Variants in HSCB observed in about 807,000 individuals in gnomAD.
HSCB encodes the protein HscB mitochondrial iron-sulfur cluster cochaperone, also known as iron-sulfur cluster co-chaperone protein HscB.
In HSCB, 23 loss-of-function variants were observed where a neutral mutation model predicts 31.3. The observed-to-expected ratio is 0.74, with a 90% confidence interval of 0.53 to 1.04. The LOEUF (loss-of-function observed/expected upper bound fraction) is 1.04. Among genes scored for constraint, HSCB ranks in the 50% least tolerant of loss-of-function variants. The pLI is 0.00. For missense variants in HSCB, 297 were observed against 288.1 expected (o/e 1.03, Z -0.22); for synonymous variants, 110 against 104.5 (o/e 1.05, Z -0.32).
chr22:28,752,114 A>G (rs1315569391), intron 5 of HSCB, among the ~76,000 whole-genome samples: 1 of 150,546 alleles, frequency 6.6e-6, no homozygotes, highest in East Asian at 2.0e-4. Context: ...AAAAAACCTG[A>G]AGGAGGAATG....
At chr22:28,750,945 C>CTT (rs758451182) in intron 4 of HSCB, among the ~76,000 whole-genome samples, 2,902 of 56,392 alleles carry the variant, frequency 0.051, 327 homozygotes, top group South Asian at 0.17. Context: ...ATATCTTTGT[C>CTT]TTTTTTTTTT....
chr22:28,756,653 T>C (rs959998006), intron 5 of HSCB, among the ~76,000 whole-genome samples: 2 of 151,694 alleles, frequency 1.3e-5, no homozygotes, highest in African/African-American at 4.8e-5. Flanking sequence ...TTTTATTTTT[T>C]ATTTTTTATT....
intron 4 of HSCB, 113 bp from the exon 5 acceptor site, chr22:28,751,128 C>CA (rs1384198718): frequency 1.5e-6 from 1 of 662,470 alleles, no homozygotes; most frequent in African/African-American, 1.8e-5. Context: ...CCCTTGAATA[C>CA]AAACTTCCTC....
intron 1 of HSCB, 197 bp downstream of exon 1, chr22:28,742,528 T>C (rs1329421629): frequency 1.0e-6 from 1 of 973,064 alleles, no homozygotes; most frequent in Admixed American, 3.0e-5. Context: ...GGAAGCAACG[T>C]TGAGGTGTGG....
At chr22:28,744,555 A>G (rs1040039327) in intron 2 of HSCB, 60 bp from the exon 3 acceptor site, 3 of 1,349,718 alleles carry the variant, frequency 2.2e-6, no homozygotes, top group Non-Finnish European at 3.2e-6. Context: ...AAACAAAAAC[A>G]AAAACAAAAA....
At chr22:28,742,478 T>A in intron 1 of HSCB, 147 bp downstream of exon 1, 1 of 1,346,026 alleles carries the variant, frequency 7.4e-7, no homozygotes. Context: ...GAGAGAAGTG[T>A]CTTGATTTCT....
intron 5 of HSCB, among the ~76,000 whole-genome samples, 174 bp from the exon 6 acceptor site, chr22:28,756,904 C>T (rs2030635334): frequency 1.3e-5 from 2 of 152,172 alleles, no homozygotes; most frequent in African/African-American, 4.8e-5. Context: ...TGGTTTATCC[C>T]TGTGTCTCCT....
In HSCB at chr22:28,757,399, C is replaced by T. The variant is rs1209055741; in HGVS notation, c.*230C>T. The stretch of plus-strand genomic sequence containing the variant: ...ACTTGGTAGGCCGAGGCAGGAGAAT[C>T]GCTTAAACCCGTGAGGTGGAGGTTG... On this transcript the variant is annotated 3_prime_UTR_variant, in exon 6 of 6. Transcript: ENST00000216027. The T allele has an allele frequency of 1.1e-5, 4 of 371,112 alleles. No individual in the cohort carries two copies. Among genetic ancestry groups the T allele is most frequent in the East Asian group, 6.8e-5 (1 of 14,692 alleles). 23.0% of individuals were successfully genotyped at this position (371,112 alleles called of 1,614,324 possible).
chr22:28,750,943 G>GTCTTTTTTTTTTT (rs2030185537), intron 4 of HSCB, among the ~76,000 whole-genome samples: 1 of 62,034 alleles, frequency 1.6e-5, no homozygotes, highest in Non-Finnish European at 3.1e-5. Context: ...GTATATCTTT[G>GTCTTTTTTTTTTT]TCTTTTTTTT....
intron 4 of HSCB, among the ~76,000 whole-genome samples, chr22:28,749,351 C>T (rs2030067113): frequency 6.6e-6 from 1 of 152,114 alleles, no homozygotes; most frequent in African/African-American, 2.4e-5. Flanking sequence ...TCTCCTCCGC[C>T]CCATTTAAGT....
At chr22:28,743,632 C>G (rs2054630624) in intron 1 of HSCB, among the ~76,000 whole-genome samples, 2 of 152,134 alleles carry the variant, frequency 1.3e-5, no homozygotes, top group African/African-American at 4.8e-5. Context: ...GCAATTCTAC[C>G]TGGACGTCTC....
chr22:28,742,735 A>G, intron 1 of HSCB: 1 of 218,478 alleles, frequency 4.6e-6, no homozygotes, highest in Non-Finnish European at 9.3e-6. Flanking sequence ...TAGGGTGAGT[A>G]AGGTTTAAAG....
chr22:28,747,196 G>A (rs1184023474), intron 4 of HSCB, among the ~76,000 whole-genome samples: 2 of 152,188 alleles, frequency 1.3e-5, no homozygotes, highest in African/African-American at 4.8e-5. Context: ...TACTTGATTG[G>A]ATGAGGCCCA....
intron 5 of HSCB, among the ~76,000 whole-genome samples, chr22:28,755,199 A>AGC (rs1240822778): frequency 4.0e-5 from 6 of 150,742 alleles, no homozygotes; most frequent in Non-Finnish European, 7.4e-5. Flanking sequence ...TCACGAGGTC[A>AGC]GGAGATGGAG....
chr22:28,756,432 G>A (rs2030599749), intron 5 of HSCB, among the ~76,000 whole-genome samples: 1 of 148,868 alleles, frequency 6.7e-6, no homozygotes, highest in Admixed American at 6.7e-5. Flanking sequence ...ACCACCACAT[G>A]TTAGGGAGAA....
rs562397362 is a variant in HSCB at position 28,745,959 on chromosome 22, A to C, written c.519A>C (p.Ala173=). Residue 173 remains alanine (A), a synonymous_variant, in exon 4 of 6, where the codon GCA becomes GCC. Coordinates refer to ENST00000216027, the MANE Select transcript of HSCB (RefSeq NM_172002.5). ...TAATGGAAATCAATGAAAAACTCGC[A>C]GAAGCTGAAAGTGAAGCTGCCATGA... ...IEIMEINEKL[A]EAESEAAMKE... 30 of 1,613,970 alleles carry C rather than the reference A, an allele frequency of 1.9e-5. No homozygotes were observed. In the South Asian group the frequency reaches 3.0e-4, roughly 16 times the overall value.
At chr22:28,751,327 A>G in intron 5 of HSCB, 39 bp downstream of exon 5, 1 of 1,319,382 alleles carries the variant, frequency 7.6e-7, no homozygotes, top group Non-Finnish European at 1.1e-6. Context: ...ATGGAAAGAA[A>G]TTTCAAGCAC....
Position 28,745,953 on chromosome 22 carries a change from A to G in HSCB, c.513A>G (p.Lys171=). 6.2e-7 allele frequency: 1 copy of G among 1,613,870 alleles called. No homozygotes were observed. The highest frequency in any genetic ancestry group is 8.5e-7 in the Non-Finnish European group (1 of 1,179,918). Residue 171 remains lysine (K), a synonymous_variant, in exon 4 of 6, where the codon AAA becomes AAG. Coordinates refer to ENST00000216027, the MANE Select transcript of HSCB (RefSeq NM_172002.5). ...TAGAAATAATGGAAATCAATGAAAAACTCGCAGAAGCTGAAAGTGAAGCTG... is the reference window on the plus strand; with the variant it reads ...TAGAAATAATGGAAATCAATGAAAAGCTCGCAGAAGCTGAAAGTGAAGCTG... ...FLIEIMEINE[K]LAEAESEAAM...
intron 4 of HSCB, among the ~76,000 whole-genome samples, chr22:28,750,051 A>T (rs1353408053): frequency 6.6e-6 from 1 of 151,920 alleles, no homozygotes; most frequent in East Asian, 1.9e-4. Context: ...GGAGTTCAAG[A>T]CCACCCTGAC....
Sources: gnomAD v4.1 joint callset for allele counts (sites outside exome capture counted in the v4.1 genomes callset) on GRCh38, gnomAD v4.1.1 for gene constraint, MANE v1.5 for transcripts, NCBI Gene and HGNC (gene_info 2026-07-23, HGNC 2026-07-21) for gene names.